The following SGCD variants were observed in gnomAD, a reference collection of about 807,000 sequenced individuals.
The protein encoded by SGCD is sarcoglycan delta.
A neutral mutation model predicts 36.6 loss-of-function variants in SGCD; 18 were observed. The ratio of observed to expected loss-of-function variants is 0.49; its 90% confidence interval spans 0.34 to 0.73. SGCD has a LOEUF of 0.73. SGCD is among the 30% of genes least tolerant of loss of function. SGCD has a pLI of 0.01. For missense variants in SGCD, 387 were observed against 346.7 expected, an observed-to-expected ratio of 1.12 and a Z score of -0.92; for synonymous variants, 133 against 130.6, an observed-to-expected ratio of 1.02 and a Z score of -0.12.
At chr5:156,669,050 TG>T (rs1190727649) in intron 7 of SGCD, among the ~76,000 whole-genome samples, 1 of 152,140 alleles carries the variant, frequency 6.6e-6, no homozygotes, top group Non-Finnish European at 1.5e-5. Flanking sequence ...ATGGCCCACA[TG>T]GGGTCCTGTC....
intron 7 of SGCD, among the ~76,000 whole-genome samples, chr5:156,683,648 G>A (rs1753802006): frequency 6.6e-6 from 1 of 152,154 alleles, no homozygotes; most frequent in South Asian, 2.1e-4. Context: ...CAGTTACAAA[G>A]CATCTAAACC....
intron 3 of SGCD, among the ~76,000 whole-genome samples, chr5:156,235,618 T>G (rs1446949298): frequency 1.3e-5 from 2 of 152,200 alleles, no homozygotes; most frequent in Non-Finnish European, 2.9e-5. Context: ...AGAAGCTCTT[T>G]TTTTCTTCTC....
At chr5:156,257,825 C>T (rs1765754440) in intron 3 of SGCD, among the ~76,000 whole-genome samples, 1 of 152,092 alleles carries the variant, frequency 6.6e-6, no homozygotes, top group African/African-American at 2.4e-5. Flanking sequence ...GATCACGCCA[C>T]TGCACTCCAG....
chr5:156,518,429 C>T (rs1051744227), intron 4 of SGCD, among the ~76,000 whole-genome samples: 21 of 152,264 alleles, frequency 1.4e-4, no homozygotes, highest in Middle Eastern at 3.4e-3. Context: ...GACGGATCAT[C>T]AACACAGAAA....
Position 156,341,408 on chromosome 5 carries a change from A to G in SGCD, c.4-3081A>G, listed in dbSNP as rs530138226. Among the ~76,000 whole-genome samples, 4 of 152,256 alleles carry G rather than the reference A, an allele frequency of 2.6e-5. No homozygotes were observed. The South Asian group carries it at 8.3e-4, about 32-fold the overall frequency. On this transcript the variant is annotated intron_variant, in intron 2 of 8. Transcript: ENST00000337851. ...TCTTACAATGATTACCCTATGAAAAAAAGTGAAAGCCATTTTTTAGATGTT... is the reference window on the plus strand; with the variant it reads ...TCTTACAATGATTACCCTATGAAAAGAAGTGAAAGCCATTTTTTAGATGTT...
intron 3 of SGCD, among the ~76,000 whole-genome samples, chr5:156,213,984 T>A (rs1764513729): frequency 6.6e-6 from 1 of 151,960 alleles, no homozygotes. Context: ...CATGACAAAC[T>A]GAAAGCTAAC....
rs149649802 is a variant in SGCD at position 156,491,348 on chromosome 5, C to T, written c.193-17253C>T. 3.5e-3 allele frequency among the ~76,000 whole-genome samples: 537 copies of T among 152,148 alleles called. 4 individuals are homozygous for T. Among genetic ancestry groups the T allele is most frequent in the Non-Finnish European group, 5.4e-3 (364 of 67,932 alleles). On this transcript the variant is annotated intron_variant, in intron 3 of 8. Transcript: ENST00000337851. ...CACAAAGTACAAAAAACAGTCTCAA[C>T]ATTTGTGTGTAACCACAAAAGACTC...
chr5:156,313,269 A>T (rs1249002422), intron 3 of SGCD, among the ~76,000 whole-genome samples: 1 of 152,146 alleles, frequency 6.6e-6, no homozygotes, highest in East Asian at 1.9e-4. Flanking sequence ...AGCTGTGAAG[A>T]CATTTCTCTT....
intron 1 of SGCD, among the ~76,000 whole-genome samples, chr5:156,070,067 C>CATCTGCAA (rs946502867): frequency 6.6e-6 from 1 of 151,274 alleles, no homozygotes; most frequent in Non-Finnish European, 1.5e-5. Flanking sequence ...ACAATCATGT[C>CATCTGCAA]ATCTGCAAAC....
intron 7 of SGCD, among the ~76,000 whole-genome samples, chr5:156,731,822 G>A (rs1293460702): frequency 1.3e-5 from 2 of 151,916 alleles, no homozygotes; most frequent in Non-Finnish European, 2.9e-5. Context: ...TTTTCCATTT[G>A]TGCCATCTCA....
intron 1 of SGCD, among the ~76,000 whole-genome samples, chr5:156,114,647 C>T (rs1761867303): frequency 6.6e-6 from 1 of 152,028 alleles, no homozygotes; most frequent in African/African-American, 2.4e-5. Context: ...GTCCCTAAGG[C>T]CCCAACCAGT....
intron 3 of SGCD, among the ~76,000 whole-genome samples, chr5:156,185,656 G>C (rs1389505037): frequency 6.6e-6 from 1 of 151,170 alleles, no homozygotes; most frequent in Non-Finnish European, 1.5e-5. Context: ...GGATAATCTG[G>C]CATCTGACTT....
intron 3 of SGCD, among the ~76,000 whole-genome samples, chr5:156,391,335 A>C (rs1175259290): frequency 6.6e-6 from 1 of 152,242 alleles, no homozygotes; most frequent in African/African-American, 2.4e-5. Flanking sequence ...TAGCACAACG[A>C]TGAAATTGCC....
intron 3 of SGCD, among the ~76,000 whole-genome samples, chr5:156,364,482 T>C (rs1769984655): frequency 6.6e-6 from 1 of 152,190 alleles, no homozygotes; most frequent in Non-Finnish European, 1.5e-5. Context: ...TATCTGACAA[T>C]TGCATAAATT....
intron 1 of SGCD, among the ~76,000 whole-genome samples, chr5:155,956,028 A>G (rs892347753): frequency 4.6e-5 from 7 of 152,084 alleles, no homozygotes; most frequent in African/African-American, 1.7e-4. Flanking sequence ...GGAGGCAGAC[A>G]TTGAAATAAT....
intron 1 of SGCD, among the ~76,000 whole-genome samples, chr5:156,058,521 TG>T (rs1331002306): frequency 1.4e-5 from 2 of 145,938 alleles, no homozygotes; most frequent in Non-Finnish European, 3.1e-5. Flanking sequence ...GGAATGCTGC[TG>T]GCCCATCAGC....
At chr5:156,382,527 C>T (rs1020896045) in intron 3 of SGCD, among the ~76,000 whole-genome samples, 6 of 152,002 alleles carry the variant, frequency 3.9e-5, no homozygotes, top group African/African-American at 9.7e-5. Context: ...ATACAAATTC[C>T]GATAGTTATT....
At chr5:156,753,507 C>T (rs1037599133) in intron 7 of SGCD, among the ~76,000 whole-genome samples, 2 of 152,152 alleles carry the variant, frequency 1.3e-5, no homozygotes, top group African/African-American at 4.8e-5. Flanking sequence ...GCAGTTTCCA[C>T]AGGGTTTTGG....
At chr5:156,383,624 G>A (rs995774856) in intron 3 of SGCD, among the ~76,000 whole-genome samples, 1 of 152,154 alleles carries the variant, frequency 6.6e-6, no homozygotes, top group African/African-American at 2.4e-5. Context: ...TCTCTTAGCA[G>A]CCTTGTTTTC....
Sources: gnomAD v4.1 joint callset for allele counts (sites outside exome capture counted in the v4.1 genomes callset) on GRCh38, gnomAD v4.1.1 for gene constraint, MANE v1.5 for transcripts, NCBI Gene and HGNC (gene_info 2026-07-23, HGNC 2026-07-21) for gene names.